Variants in HRH1 observed in about 807,000 individuals in gnomAD.
The protein encoded by HRH1 is histamine receptor H1, also known as histamine H1 receptor.
In HRH1, 6 loss-of-function variants were observed where a neutral mutation model predicts 10.3. The observed-to-expected ratio is 0.58, with a 90% CI of 0.32 to 1.15. The LOEUF is 1.15. HRH1 is among the 50% of genes most tolerant of loss of function. The pLI is 0.05. For missense variants in HRH1, 514 were observed against 615.3 expected (o/e 0.84, Z 1.74); for synonymous variants, 242 against 236.7 (o/e 1.02, Z -0.21).
intron 1 of HRH1, among the ~76,000 whole-genome samples, chr3:11,167,521 A>G (rs9860356): frequency 1.9e-5 from 2 of 106,778 alleles, no homozygotes; most frequent in Non-Finnish European, 4.2e-5. Flanking sequence ...TGTCCCCTGC[A>G]TTCTCCAGGC....
intron 1 of HRH1, among the ~76,000 whole-genome samples, chr3:11,172,425 G>C (rs1219032962): frequency 6.6e-6 from 1 of 152,232 alleles, no homozygotes. Flanking sequence ...TATTTTGTCT[G>C]CTGAACACTC....
At chr3:11,227,575 C>T (rs1217772027) in intron 1 of HRH1, among the ~76,000 whole-genome samples, 1 of 152,142 alleles carries the variant, frequency 6.6e-6, no homozygotes, top group Admixed American at 6.5e-5. Flanking sequence ...CGTGAGCCAC[C>T]ACGCCCGGCC....
chr3:11,231,870 T>C (rs1939050107), intron 1 of HRH1, among the ~76,000 whole-genome samples: 1 of 152,214 alleles, frequency 6.6e-6, no homozygotes, highest in Non-Finnish European at 1.5e-5. Context: ...TGGATCATGT[T>C]TTAGTCACAA....
chr3:11,142,212 AC>A (rs1936304762), intron 1 of HRH1, among the ~76,000 whole-genome samples: 1 of 152,244 alleles, frequency 6.6e-6, no homozygotes. Flanking sequence ...GAAGAGAATT[AC>A]AGAAAATGAA....
At chr3:11,144,794 C>T (rs552400660) in intron 1 of HRH1, among the ~76,000 whole-genome samples, 2 of 152,046 alleles carry the variant, frequency 1.3e-5, no homozygotes, top group Admixed American at 1.3e-4. Context: ...TTGCTTGAAC[C>T]CAGGAGGCAG....
At chr3:11,235,234 T>C (rs1939149073) in intron 1 of HRH1, among the ~76,000 whole-genome samples, 1 of 152,008 alleles carries the variant, frequency 6.6e-6, no homozygotes, top group African/African-American at 2.4e-5. Context: ...AAAATGCTAT[T>C]AGAAATCCCT....
At chr3:11,225,576 T>C (rs939453190) in intron 1 of HRH1, among the ~76,000 whole-genome samples, 2 of 152,238 alleles carry the variant, frequency 1.3e-5, no homozygotes, top group Non-Finnish European at 2.9e-5. Context: ...TCCCCACTTC[T>C]TGGCTCTGAG....
rs189176639 is a variant in HRH1 at position 11,191,446 on chromosome 3, G to A, written c.-36+36892G>A. Reference sequence around the variant, plus strand: ...CATAGCACCAAAGAACCATATTCTAGGAGCTTCAGGTGTTAGTGGAAGGCT... The same window carrying A: ...CATAGCACCAAAGAACCATATTCTAAGAGCTTCAGGTGTTAGTGGAAGGCT... On this transcript the variant is annotated intron_variant, in intron 1 of 1. Coordinates refer to ENST00000431010, the MANE Select transcript of HRH1 (RefSeq NM_001098212.2). Among the ~76,000 whole-genome samples the A allele has an allele frequency of 2.4e-3, 372 of 152,318 alleles. 2 individuals are homozygous for A. The highest frequency in any genetic ancestry group is 2.8e-3 in the Non-Finnish European group (190 of 68,022).
chr3:11,168,747 G>T (rs1027186339), intron 1 of HRH1, among the ~76,000 whole-genome samples: 3 of 152,246 alleles, frequency 2.0e-5, no homozygotes, highest in Non-Finnish European at 4.4e-5. Context: ...AGGGCTGGGG[G>T]TGCGGGCTGT....
intron 1 of HRH1, among the ~76,000 whole-genome samples, chr3:11,155,387 T>G (rs1316480884): frequency 6.6e-6 from 1 of 152,126 alleles, no homozygotes; most frequent in African/African-American, 2.4e-5. Context: ...TCAGTTTTTC[T>G]CGAAGGAGCC....
intron 1 of HRH1, among the ~76,000 whole-genome samples, chr3:11,249,179 G>A (rs1472892732): frequency 6.6e-6 from 1 of 151,990 alleles, no homozygotes; most frequent in Non-Finnish European, 1.5e-5. Flanking sequence ...GGTGGATCAC[G>A]AGGTCAGGAG....
chr3:11,192,124 TAGC>T (rs1937546963), intron 1 of HRH1, among the ~76,000 whole-genome samples: 1 of 152,204 alleles, frequency 6.6e-6, no homozygotes, highest in African/African-American at 2.4e-5. Context: ...GCAGTGGTAG[TAGC>T]AGTACTTTTT....
chr3:11,234,408 G>A (rs564039874), intron 1 of HRH1: 60 of 1,605,074 alleles, frequency 3.7e-5, no homozygotes, highest in South Asian at 2.3e-4. Flanking sequence ...TGCATGGCCC[G>A]GAACCGGTCT....
At chr3:11,246,605 T>C (rs1939496832) in intron 1 of HRH1, among the ~76,000 whole-genome samples, 1 of 152,252 alleles carries the variant, frequency 6.6e-6, no homozygotes, top group Admixed American at 6.5e-5. Context: ...TATTTTTTTA[T>C]TCATTTCACA....
chr3:11,218,762 G>A (rs1166939145), intron 1 of HRH1, among the ~76,000 whole-genome samples: 1 of 152,154 alleles, frequency 6.6e-6, no homozygotes, highest in Admixed American at 6.5e-5. Flanking sequence ...TTTTCATAGA[G>A]ATGGGGTTTC....
chr3:11,182,605 G>A (rs4684763), intron 1 of HRH1, among the ~76,000 whole-genome samples: 2 of 152,058 alleles, frequency 1.3e-5, no homozygotes, highest in South Asian at 4.1e-4. Context: ...TGGAATGAGC[G>A]CAGCTGCGTG....
intron 1 of HRH1, among the ~76,000 whole-genome samples, chr3:11,220,198 C>A (rs954783237): frequency 2.6e-5 from 4 of 152,112 alleles, no homozygotes; most frequent in African/African-American, 9.7e-5. Flanking sequence ...TCCCCTAACA[C>A]CACGCCTGGC....
chr3:11,222,488 C>T (rs545669667), intron 1 of HRH1, among the ~76,000 whole-genome samples: 3 of 152,282 alleles, frequency 2.0e-5, no homozygotes, highest in South Asian at 4.1e-4. Context: ...TCCACTTCCT[C>T]CAGCAAGTTC....
At chr3:11,237,031 G>A (rs887988704) in intron 1 of HRH1, among the ~76,000 whole-genome samples, 8 of 152,188 alleles carry the variant, frequency 5.3e-5, no homozygotes, top group Non-Finnish European at 1.0e-4. Context: ...GTCTTTGAAA[G>A]TGTATTTCTC....
Sources: gnomAD v4.1 joint callset for allele counts (sites outside exome capture counted in the v4.1 genomes callset) on GRCh38, gnomAD v4.1.1 for gene constraint, MANE v1.5 for transcripts, NCBI Gene and HGNC (gene_info 2026-07-23, HGNC 2026-07-21) for gene names.